INPP4B: variants seen among roughly 807,000 people sequenced by gnomAD.
The protein encoded by INPP4B is inositol polyphosphate 4-phosphatase type II.
Under a neutral mutation model 122.5 loss-of-function variants are expected in INPP4B, and 55 were observed. The ratio of observed to expected loss-of-function variants is 0.45; its 90% CI spans 0.36 to 0.56. The LOEUF is 0.56. Among genes scored for constraint, INPP4B ranks in the 20% least tolerant of loss-of-function variants. The pLI, the probability that INPP4B is intolerant of heterozygous loss-of-function variation, is 0.00. For missense variants in INPP4B, 1,000 were observed against 1,097.7 expected (o/e 0.91, Z 1.26); for synonymous variants, 403 against 388.7 (o/e 1.04, Z -0.43).
At chr4:142,194,077 CAT>C (rs1157332082) in intron 14 of INPP4B, among the ~76,000 whole-genome samples, 1 of 152,104 alleles carries the variant, frequency 6.6e-6, no homozygotes, top group Non-Finnish European at 1.5e-5. Context: ...ACGAGGAAAA[CAT>C]AAATTATTTT....
intron 18 of INPP4B, among the ~76,000 whole-genome samples, chr4:142,142,956 C>T (rs1384755794): frequency 3.3e-5 from 5 of 151,910 alleles, no homozygotes; most frequent in Non-Finnish European, 7.4e-5. Flanking sequence ...CAGACTTTTC[C>T]CTATCCATAT....
At chr4:142,499,569 C>T (rs953627538) in intron 2 of INPP4B, among the ~76,000 whole-genome samples, 1 of 152,104 alleles carries the variant, frequency 6.6e-6, no homozygotes, top group African/African-American at 2.4e-5. Flanking sequence ...CTTGTGATTA[C>T]ATTTACAAAC....
Position 142,134,666 on chromosome 4 carries a change from G to A in INPP4B, c.1721-9906C>T, listed in dbSNP as rs534223087. On this transcript the variant is annotated intron_variant, in intron 18 of 25. Coordinates refer to ENST00000262992, the MANE Select transcript of INPP4B (RefSeq NM_001101669.3). ...CAAAAAATTAGTTGGGCATAGTGGC[G>A]CATGCCTGTAATCCCAGCTGGTTGG... 5.9e-5 allele frequency among the ~76,000 whole-genome samples: 9 copies of A among 151,802 alleles called. No homozygotes were observed. The East Asian group carries it at 9.7e-4, about 16-fold the overall frequency.
rs941986980 is a variant in INPP4B at position 142,795,258 on chromosome 4, A to G, written c.-254+50951T>C. On this transcript the variant is annotated intron_variant, in intron 1 of 25. Transcript: ENST00000262992. ...TCTTTAGGATAAAGAAATACAGATA[A>G]ACTCTAAAGAAAAAGCAAGGAAACT... 1.1e-4 allele frequency: 17 copies of G among 152,138 alleles called. No individual in the cohort carries two copies. In the East Asian group the frequency reaches 1.4e-3, roughly 12 times the overall value. The allele number at this position is 152,138 out of a possible 1,614,324, so 9.4% of individuals were successfully genotyped here.
chr4:142,265,368 C>T (rs1329785229), intron 10 of INPP4B, among the ~76,000 whole-genome samples: 1 of 152,184 alleles, frequency 6.6e-6, no homozygotes, highest in African/African-American at 2.4e-5. Flanking sequence ...GGAATAACTT[C>T]TATTTCAGTT....
chr4:142,838,239 T>TA (rs918341543), intron 1 of INPP4B, among the ~76,000 whole-genome samples: 1 of 152,016 alleles, frequency 6.6e-6, no homozygotes, highest in African/African-American at 2.4e-5. Context: ...TAGAAGTAAA[T>TA]ATGATATAAT....
rs562002668 is a variant in INPP4B, at chr4:142,278,639, G to A, written c.504-7865C>T. Reference sequence around the variant, plus strand: ...TTTTTCTCTATTCTCATGGCCCCAGGAAGAAAGTGGAGTTGTACAGGAGAG... The same window carrying A: ...TTTTTCTCTATTCTCATGGCCCCAGAAAGAAAGTGGAGTTGTACAGGAGAG... On this transcript the variant is annotated intron_variant, in intron 9 of 25. Transcript: ENST00000262992. 2.5e-4 allele frequency among the ~76,000 whole-genome samples: 38 copies of A among 151,954 alleles called. 1 individual carries two copies. Among genetic ancestry groups the A allele is most frequent in the Middle Eastern group, 6.8e-3 (2 of 294 alleles).
intron 2 of INPP4B, among the ~76,000 whole-genome samples, chr4:142,472,588 C>T (rs1439322297): frequency 6.6e-6 from 1 of 152,160 alleles, no homozygotes; most frequent in African/African-American, 2.4e-5. Context: ...TTTTAGATCC[C>T]CAATACCAGT....
At chr4:142,294,829 C>CACAAAAAAAAAAAAAAAAAA (rs1757903392) in intron 9 of INPP4B, among the ~76,000 whole-genome samples, 1 of 28,462 alleles carries the variant, frequency 3.5e-5, no homozygotes, top group Non-Finnish European at 6.4e-5. Context: ...GACTCCGTCT[C>CACAAAAAAAAAAAAAAAAAA]AAAAAAAAAA....
intron 2 of INPP4B, among the ~76,000 whole-genome samples, chr4:142,486,500 G>A (rs1232545601): frequency 6.6e-6 from 1 of 151,708 alleles, no homozygotes; most frequent in African/African-American, 2.4e-5. Context: ...ATTATATTCT[G>A]GATACAATCT....
intron 18 of INPP4B, among the ~76,000 whole-genome samples, chr4:142,143,934 A>C (rs767158220): frequency 1.3e-5 from 2 of 152,068 alleles, no homozygotes; most frequent in Non-Finnish European, 1.5e-5. Flanking sequence ...AAAAAATTCT[A>C]ACACAAGAAA....
At chr4:142,488,515 T>C (rs1416412509) in intron 2 of INPP4B, among the ~76,000 whole-genome samples, 1 of 152,140 alleles carries the variant, frequency 6.6e-6, no homozygotes, top group African/African-American at 2.4e-5. Context: ...ACCTGGAGTT[T>C]TCTCTATGAG....
Position 142,717,291 on chromosome 4 carries a change from A to G in INPP4B, c.-191+8548T>C, listed in dbSNP as rs540342858. Among the ~76,000 whole-genome samples the G allele has an allele frequency of 4.6e-5, 7 of 152,224 alleles. No individual in the cohort carries two copies. The East Asian group carries it at 1.3e-3, about 29-fold the overall frequency. ...TCATAGTGGCTAATATACATTAACT[A>G]CTTACTATGTACCAGTAACTATTCT... On this transcript the variant is annotated intron_variant, in intron 2 of 25. Transcript: ENST00000262992.
chr4:142,180,860 C>T (rs948147401), intron 15 of INPP4B, among the ~76,000 whole-genome samples: 1 of 152,022 alleles, frequency 6.6e-6, no homozygotes, highest in African/African-American at 2.4e-5. Context: ...CTAATTAAAA[C>T]AAAGTTCATT....
chr4:142,650,551 A>G (rs547047291), intron 2 of INPP4B, among the ~76,000 whole-genome samples: 1 of 152,270 alleles, frequency 6.6e-6, no homozygotes, highest in Non-Finnish European at 1.5e-5. Flanking sequence ...GTAAAAAAAA[A>G]AAAGGCAGGG....
At chr4:142,106,343 A>G (rs1057192304) in intron 23 of INPP4B, among the ~76,000 whole-genome samples, 2 of 152,102 alleles carry the variant, frequency 1.3e-5, no homozygotes, top group Non-Finnish European at 1.5e-5. Context: ...CAGTGGCACA[A>G]TCTTGGCTCA....
chr4:142,578,778 A>T (rs1292983832), intron 2 of INPP4B, among the ~76,000 whole-genome samples: 1 of 152,076 alleles, frequency 6.6e-6, no homozygotes, highest in Non-Finnish European at 1.5e-5. Context: ...GCTGTCCTTT[A>T]GAAATAATAC....
chr4:142,808,919 G>T (rs1480454394), intron 1 of INPP4B, among the ~76,000 whole-genome samples: 3 of 152,014 alleles, frequency 2.0e-5, no homozygotes, highest in Non-Finnish European at 4.4e-5. Context: ...ATTTGTTAAT[G>T]TTAGAATACA....
In INPP4B at chr4:142,027,647, T is replaced by TATC. The variant is rs1737415992; in HGVS notation, c.*1132_*1134dup. On this transcript the variant is annotated 3_prime_UTR_variant, in exon 26 of 26. Transcript: ENST00000262992. ...GAGATTGTAATTCAAATTCTGCAAC[T>TATC]ATCTCCTGAGTGATTGGGGGTGATT... The TATC allele has an allele frequency of 6.6e-6, 1 of 152,214 alleles. No individual in the cohort carries two copies. Among genetic ancestry groups the TATC allele is most frequent in the Admixed American group, 6.5e-5 (1 of 15,268 alleles). 9.4% of individuals were successfully genotyped at this position (152,214 alleles called of 1,614,324 possible).
Sources: allele counts gnomAD v4.1 joint callset (sites outside exome capture counted in the v4.1 genomes callset), GRCh38; gene constraint gnomAD v4.1.1; transcripts MANE v1.5; gene names NCBI Gene and HGNC (gene_info 2026-07-23, HGNC 2026-07-21).